The following PARD3 variants were observed in gnomAD, a reference collection of about 807,000 sequenced individuals.
PARD3 encodes par-3 family cell polarity regulator.
In PARD3, 75 loss-of-function variants were observed where a neutral mutation model predicts 155.4. The ratio of observed to expected loss-of-function variants is 0.48; its 90% confidence interval spans 0.40 to 0.58. The LOEUF is 0.58. Ranked by LOEUF, PARD3 falls within the 20% of genes least tolerant of loss-of-function variation. PARD3 has a pLI of 0.00. For synonymous variants in PARD3, 576 were observed against 610.5 expected, an observed-to-expected ratio of 0.94 and a Z score of 0.83; for missense variants, 1,642 against 1,721.7, an observed-to-expected ratio of 0.95 and a Z score of 0.82.
intron 1 of PARD3, among the ~76,000 whole-genome samples, chr10:34,766,773 T>C (rs530668043): frequency 6.6e-6 from 1 of 152,216 alleles, no homozygotes; most frequent in African/African-American, 2.4e-5. Flanking sequence ...GTCAGACAAC[T>C]ATGCACACAA....
At chr10:34,294,537 T>G (rs1956818715) in intron 20 of PARD3, among the ~76,000 whole-genome samples, 1 of 152,222 alleles carries the variant, frequency 6.6e-6, no homozygotes, top group Admixed American at 6.5e-5. Context: ...TTTTTTCTGT[T>G]GATTATAGGA....
chr10:34,775,408 G>A (rs1839410997), intron 1 of PARD3, among the ~76,000 whole-genome samples: 1 of 152,044 alleles, frequency 6.6e-6, no homozygotes, highest in Admixed American at 6.5e-5. Flanking sequence ...TACTTGAGAG[G>A]CTGAGACAGG....
chr10:34,410,579 A>G (rs1844946170), intron 5 of PARD3, among the ~76,000 whole-genome samples: 1 of 152,212 alleles, frequency 6.6e-6, no homozygotes, highest in African/African-American at 2.4e-5. Context: ...ATTTTAAGGT[A>G]GCCAGTATCA....
intron 22 of PARD3, among the ~76,000 whole-genome samples, chr10:34,143,884 T>C (rs1948327415): frequency 6.6e-6 from 1 of 152,182 alleles, no homozygotes; most frequent in Non-Finnish European, 1.5e-5. Flanking sequence ...AAAATATTCT[T>C]CCTGATTGAT....
chr10:34,406,555 C>T (rs1053509395), intron 5 of PARD3, among the ~76,000 whole-genome samples: 2 of 152,126 alleles, frequency 1.3e-5, no homozygotes, highest in Non-Finnish European at 2.9e-5. Context: ...TTTCATTCCC[C>T]TTTAGTTTTT....
intron 22 of PARD3, among the ~76,000 whole-genome samples, chr10:34,212,913 G>A (rs367753653): frequency 3.3e-5 from 5 of 152,112 alleles, no homozygotes; most frequent in Non-Finnish European, 5.9e-5. Context: ...CATTCTTCTC[G>A]AAGCCCCTTC....
chr10:34,812,471 G>C (rs1256901873), intron 1 of PARD3, among the ~76,000 whole-genome samples: 1 of 152,154 alleles, frequency 6.6e-6, no homozygotes, highest in Non-Finnish European at 1.5e-5. Context: ...TTAAAACAGT[G>C]TTAAATACAT....
chr10:34,163,898 A>C (rs573000928), intron 22 of PARD3, among the ~76,000 whole-genome samples: 2 of 152,370 alleles, frequency 1.3e-5, no homozygotes, highest in South Asian at 4.1e-4. Context: ...TATTCACATC[A>C]AATGGCTACA....
At chr10:34,282,258 T>C (rs899691156) in intron 21 of PARD3, among the ~76,000 whole-genome samples, 5 of 152,144 alleles carry the variant, frequency 3.3e-5, no homozygotes, top group African/African-American at 1.2e-4. Flanking sequence ...ATGAGCCTAA[T>C]TGACTTTTTA....
At position 34,382,708 on chromosome 10, in the gene PARD3, G is replaced by C. The variant is rs1460969271; in HGVS notation, c.1231C>G (p.Pro411Ala). Reference sequence around the variant, plus strand: ...GAGTGAGAGTCTATCTGCTCAGGCGGGTGGTTCAGTCGGGGTGCTCTCTGC... The same window carrying C: ...GAGTGAGAGTCTATCTGCTCAGGCGCGTGGTTCAGTCGGGGTGCTCTCTGC... ...TVQRAPRLNH[P>A]PEQIDSHSRL... The change falls in exon 9 of 25, where the codon CCG becomes GCG. Residue 411 changes from proline to alanine, a missense_variant. Pro to Ala is a conservative substitution (Grantham distance 27). Transcript: ENST00000374788. The C allele has an allele frequency of 6.2e-7, 1 of 1,614,058 alleles. No homozygotes were observed. The highest frequency in any genetic ancestry group is 1.3e-5 in the African/African-American group (1 of 74,934).
chr10:34,561,720 G>A lies in PARD3; in HGVS notation c.223-44561C>T, dbSNP rs550359799. Among the ~76,000 whole-genome samples the A allele has an allele frequency of 2.7e-4, 41 of 151,724 alleles. No homozygotes were observed. In the South Asian group the frequency reaches 5.9e-3, roughly 22 times the overall value. On this transcript the variant is annotated intron_variant, in intron 2 of 24. Coordinates refer to ENST00000374788, the MANE Select transcript of PARD3 (RefSeq NM_001184785.2). ...TTTAGTAGAGATGGGGTTTCTCCACGTTGGTCAGGCTGGTCTCGAACTCCC... is the reference window on the plus strand; with the variant it reads ...TTTAGTAGAGATGGGGTTTCTCCACATTGGTCAGGCTGGTCTCGAACTCCC...
Position 34,120,072 on chromosome 10 carries a change from A to C in PARD3, c.3541-332T>G, listed in dbSNP as rs994227759. On this transcript the variant is annotated intron_variant, in intron 23 of 24. Transcript: ENST00000374788. ...CACTCTGTCACCCAAGCAGGAGTGCAGTAGTGCAATCATGGCTCACTGCAG... is the reference window on the plus strand; with the variant it reads ...CACTCTGTCACCCAAGCAGGAGTGCCGTAGTGCAATCATGGCTCACTGCAG... Among the ~76,000 whole-genome samples, 13 of 131,676 alleles carry C rather than the reference A, an allele frequency of 9.9e-5. No homozygotes were observed. In the East Asian group the frequency reaches 2.8e-3, roughly 29 times the overall value. 86.4% of individuals were successfully genotyped at this position (131,676 alleles called of 152,430 possible).
Position 34,369,830 on chromosome 10 carries a change from T to C in PARD3, c.1707+2668A>G, listed in dbSNP as rs1564635939. Among the ~76,000 whole-genome samples the C allele has an allele frequency of 3.9e-5, 6 of 152,128 alleles. No homozygotes were observed. In the South Asian group the frequency reaches 6.2e-4, roughly 16 times the overall value. ...CTCCCCTCCTCCCCATTTCTAGGCA[T>C]TGACAAAATAGATAATCAAAGATTT... is the stretch of plus-strand genomic sequence containing the variant. On this transcript the variant is annotated intron_variant, in intron 12 of 24. Coordinates refer to ENST00000374788, the MANE Select transcript of PARD3 (RefSeq NM_001184785.2).
chr10:34,385,732 T>A (rs1842286792), intron 7 of PARD3, among the ~76,000 whole-genome samples: 1 of 152,228 alleles, frequency 6.6e-6, no homozygotes, highest in East Asian at 1.9e-4. Context: ...TTGTTGTATC[T>A]GTTCCATGGG....
chr10:34,562,398 C>T (rs1287305261), intron 2 of PARD3, among the ~76,000 whole-genome samples: 1 of 152,066 alleles, frequency 6.6e-6, no homozygotes, highest in Non-Finnish European at 1.5e-5. Context: ...GATCACACAA[C>T]TGCACTCCAG....
At chr10:34,242,425 G>C (rs1254825767) in intron 22 of PARD3, among the ~76,000 whole-genome samples, 1 of 151,872 alleles carries the variant, frequency 6.6e-6, no homozygotes, top group Non-Finnish European at 1.5e-5. Context: ...GACGATGGTA[G>C]GAGGCGACTA....
chr10:34,135,735 G>A (rs767654022), intron 22 of PARD3, among the ~76,000 whole-genome samples: 2 of 152,088 alleles, frequency 1.3e-5, no homozygotes, highest in African/African-American at 4.8e-5. Flanking sequence ...TTACAACAGC[G>A]GTTCTCATCT....
intron 13 of PARD3, 68 bp from the exon 14 acceptor site, chr10:34,359,385 T>C: frequency 1.7e-6 from 2 of 1,148,720 alleles, no homozygotes; most frequent in Non-Finnish European, 2.5e-6. Context: ...GCTTTTCCTT[T>C]AGTTAATAAA....
chr10:34,522,054 T>G (rs1036246274), intron 2 of PARD3, among the ~76,000 whole-genome samples: 1 of 152,120 alleles, frequency 6.6e-6, no homozygotes, highest in Non-Finnish European at 1.5e-5. Flanking sequence ...CTGGAACCAG[T>G]GAATGTTACC....
Sources: gnomAD v4.1 joint callset for allele counts (sites outside exome capture counted in the v4.1 genomes callset) on GRCh38, gnomAD v4.1.1 for gene constraint, MANE v1.5 for transcripts, NCBI Gene and HGNC (gene_info 2026-07-23, HGNC 2026-07-21) for gene names.